Variants in IGF2R observed in about 807,000 individuals in gnomAD.
IGF2R encodes the protein cation-independent mannose-6-phosphate receptor.
A neutral mutation model predicts 270.6 loss-of-function variants in IGF2R; 91 were observed. That is an observed-to-expected ratio of 0.34 (90% confidence interval 0.28 to 0.40). IGF2R has a LOEUF of 0.40. IGF2R is among the 10% of genes least tolerant of loss of function. The pLI is 1.00. For synonymous variants in IGF2R, 1,316 were observed against 1,258.9 expected, an observed-to-expected ratio of 1.05 and a Z score of -0.96; for missense variants, 2,805 against 3,188.3, an observed-to-expected ratio of 0.88 and a Z score of 2.90.
chr6:160,047,841 G>T lies in IGF2R; in HGVS notation c.2279G>T (p.Cys760Phe). The T allele has an allele frequency of 6.2e-7, 1 of 1,614,202 alleles. No homozygotes were observed. Among genetic ancestry groups the T allele is most frequent in the Non-Finnish European group, 8.5e-7 (1 of 1,180,004 alleles). ...TTCCGGTGGTACACCAGCTATGCCTGCCCGGAGGAGCCCCTGGAATGCGTA... is the reference window on the plus strand; with the variant it reads ...TTCCGGTGGTACACCAGCTATGCCTTCCCGGAGGAGCCCCTGGAATGCGTA... ...YNFRWYTSYACPEEPLECVVT... is the reference protein window; with the variant it reads ...YNFRWYTSYAFPEEPLECVVT... The change falls in exon 17 of 48, where the codon TGC (cysteine) becomes TTC (phenylalanine). Residue 760 changes from cysteine to phenylalanine, a missense_variant. Physicochemically the swap from Cys to Phe is radical, Grantham distance 205. Coordinates refer to ENST00000356956, the MANE Select transcript of IGF2R (RefSeq NM_000876.4).
At chr6:160,017,055 A>C (rs1777316482) in intron 4 of IGF2R, among the ~76,000 whole-genome samples, 1 of 152,244 alleles carries the variant, frequency 6.6e-6, no homozygotes. Flanking sequence ...AAAGAATTCA[A>C]AATATTAATT....
chr6:160,075,950 A>G lies in IGF2R; in HGVS notation c.5270A>G (p.Asn1757Ser), dbSNP rs760407124. The change falls in exon 36 of 48, where the codon AAC becomes AGC. Residue 1757 changes from asparagine (N) to serine (S), a missense_variant. Around this residue, in one of 2 missense-constraint regions of IGF2R, gnomAD observed 1,851 missense variants for 2,207.2 expected, o/e 0.84. Coordinates refer to ENST00000356956, the MANE Select transcript of IGF2R (RefSeq NM_000876.4). ...CCTTGCTTAGCGGACAAGCATTTCA[A>G]CTACACCTCGCTCATCGCGTTTCAC... ...STPCLADKHFNYTSLIAFHCK... is the reference protein window; with the variant it reads ...STPCLADKHFSYTSLIAFHCK... The G allele has an allele frequency of 4.3e-6, 7 of 1,614,238 alleles. No homozygotes were observed. The highest frequency in any genetic ancestry group is 1.6e-4 in the Middle Eastern group (1 of 6,062).
chr6:159,988,050 T>G (rs1783915208), intron 1 of IGF2R, among the ~76,000 whole-genome samples: 1 of 152,174 alleles, frequency 6.6e-6, no homozygotes, highest in Non-Finnish European at 1.5e-5. Flanking sequence ...GTAGAGAAAA[T>G]AATATAATTG....
chr6:160,012,456 C>T (rs1282608669), intron 4 of IGF2R, among the ~76,000 whole-genome samples: 1 of 152,088 alleles, frequency 6.6e-6, no homozygotes, highest in Admixed American at 6.5e-5. Flanking sequence ...CCTCAGGAAA[C>T]TTACAGTCAT....
At chr6:160,009,954 A>G (rs1025220699) in intron 3 of IGF2R, among the ~76,000 whole-genome samples, 1 of 151,042 alleles carries the variant, frequency 6.6e-6, no homozygotes, top group Non-Finnish European at 1.5e-5. Flanking sequence ...TTGGATCCGC[A>G]TATAAATTGC....
intron 14 of IGF2R, 91 bp from the exon 15 acceptor site, chr6:160,046,393 GGAACCTCCTGGGAA>G: frequency 8.8e-7 from 1 of 1,138,970 alleles, no homozygotes; most frequent in Non-Finnish European, 1.2e-6. Context: ...CCTGCCGTTG[GGAACCTCCTGGGAA>G]GAACCTCTCC....
At chr6:160,024,005 A>G (rs1464860634) in intron 4 of IGF2R, among the ~76,000 whole-genome samples, 2 of 152,170 alleles carry the variant, frequency 1.3e-5, no homozygotes, top group African/African-American at 2.4e-5. Context: ...GAGGTGGAGA[A>G]TGATCAGTAG....
chr6:160,080,314 C>A, intron 39 of IGF2R, 39 bp downstream of exon 39: 1 of 1,596,260 alleles, frequency 6.3e-7, no homozygotes, highest in Non-Finnish European at 8.6e-7. Flanking sequence ...TGGCCTGGGG[C>A]CTTGATACTG....
At chr6:160,009,437 A>G (rs1302377522) in intron 3 of IGF2R, among the ~76,000 whole-genome samples, 1 of 152,096 alleles carries the variant, frequency 6.6e-6, no homozygotes, top group African/African-American at 2.4e-5. Context: ...TTTTTTCTCT[A>G]AAACCTCTTC....
Position 160,079,712 on chromosome 6 carries a change from T to C in IGF2R, c.5611T>C (p.Ser1871Pro). The C allele has an allele frequency of 6.6e-7, 1 of 1,506,320 alleles. No individual in the cohort carries two copies. Among genetic ancestry groups the C allele is most frequent in the East Asian group, 2.4e-5 (1 of 41,940 alleles). The allele number at this position is 1,506,320 out of a possible 1,614,324, so 93.3% of individuals were successfully genotyped here. Residue 1871 changes from serine (S) to proline (P), a missense_variant, in exon 38 of 48, where the codon TCA becomes CCA. Physicochemically the swap from Ser to Pro is moderately conservative, Grantham distance 74 (BLOSUM62 -1). Coordinates refer to ENST00000356956, the MANE Select transcript of IGF2R (RefSeq NM_000876.4). Reference sequence around the variant, plus strand: ...GGGGGCATCCTTTGGACGGCTGCAATCAATGAAACTGGATTACAGGCACCA... The same window carrying C: ...GGGGGCATCCTTTGGACGGCTGCAACCAATGAAACTGGATTACAGGCACCA... ...TKGASFGRLQ[S>P]MKLDYRHQDE...
At chr6:159,988,670 C>T (rs537479505) in intron 1 of IGF2R, among the ~76,000 whole-genome samples, 2 of 152,156 alleles carry the variant, frequency 1.3e-5, no homozygotes, top group East Asian at 1.9e-4. Flanking sequence ...ATGCCACTGC[C>T]GCTACTTGAA....
rs1188360046 is a variant in IGF2R at position 160,111,280 on chromosome 6, T to C, written c.*6196T>C. The C allele has an allele frequency of 6.6e-6, 1 of 152,026 alleles. No individual in the cohort carries two copies. The highest frequency in any genetic ancestry group is 1.5e-5 in the Non-Finnish European group (1 of 68,024). 9.4% of individuals were successfully genotyped at this position (152,026 alleles called of 1,614,324 possible). On this transcript the variant is annotated 3_prime_UTR_variant, in exon 48 of 48. Coordinates refer to ENST00000356956, the MANE Select transcript of IGF2R (RefSeq NM_000876.4). ...AGTTACACCCGATGCGTCAGCCCCT[T>C]CTTCTACCTCTTCCACCTCTGGCAC...
At chr6:160,030,859 T>G (rs1339932164) in intron 7 of IGF2R, among the ~76,000 whole-genome samples, 2 of 151,426 alleles carry the variant, frequency 1.3e-5, no homozygotes, top group Non-Finnish European at 2.9e-5. Context: ...TGTCTTGCTC[T>G]GTCGCCCCGG....
chr6:160,077,572 G>A (rs978719426), intron 36 of IGF2R, among the ~76,000 whole-genome samples: 1 of 152,234 alleles, frequency 6.6e-6, no homozygotes, highest in South Asian at 2.1e-4. Flanking sequence ...ATCTTATGCT[G>A]AATGTGTGTT....
rs747624648 is a variant in IGF2R, at chr6:159,991,135, A to T, written c.150-49A>T. The T allele has an allele frequency of 7.1e-6, 11 of 1,556,240 alleles. No homozygotes were observed. The East Asian group carries it at 2.5e-4, about 35-fold the overall frequency. On this transcript the variant is annotated intron_variant, in intron 1 of 47. Transcript: ENST00000356956. ...TTGAATAAAACTAGAGAGAAGTTTA[A>T]TTTTTGATAAATCAGTGACATTGAC... is the stretch of plus-strand genomic sequence containing the variant.
At chr6:160,053,308 A>G (rs1778239957) in intron 19 of IGF2R, among the ~76,000 whole-genome samples, 1 of 152,206 alleles carries the variant, frequency 6.6e-6, no homozygotes. Flanking sequence ...AGAAATACCT[A>G]AATTAAATGA....
intron 1 of IGF2R, among the ~76,000 whole-genome samples, chr6:159,982,294 A>C (rs1783818124): frequency 6.6e-6 from 1 of 152,006 alleles, no homozygotes; most frequent in Non-Finnish European, 1.5e-5. Context: ...ACTGTGCTGG[A>C]TATGTATGAG....
At chr6:159,973,684 A>G (rs530754191) in intron 1 of IGF2R, among the ~76,000 whole-genome samples, 2 of 152,352 alleles carry the variant, frequency 1.3e-5, no homozygotes, top group African/African-American at 4.8e-5. Flanking sequence ...TTATGGTTAC[A>G]TTAGATCTCA....
At chr6:160,077,478 C>G (rs886811475) in intron 36 of IGF2R, among the ~76,000 whole-genome samples, 1 of 152,156 alleles carries the variant, frequency 6.6e-6, no homozygotes, top group Non-Finnish European at 1.5e-5. Flanking sequence ...CGTGACAAAT[C>G]GAATTAGCTA....
Sources: gnomAD v4.1 joint callset for allele counts (sites outside exome capture counted in the v4.1 genomes callset) on GRCh38, gnomAD v4.1.1 for gene constraint, gnomAD v4.1.1 regional missense constraint, MANE v1.5 for transcripts, NCBI Gene and HGNC (gene_info 2026-07-23, HGNC 2026-07-21) for gene names.